LDAH: variants seen among roughly 807,000 people sequenced by gnomAD.
LDAH encodes lipid droplet-associated hydrolase.
Under a neutral mutation model 29.6 loss-of-function variants are expected in LDAH, and 26 were observed. That is an observed-to-expected ratio of 0.88 (90% CI 0.64 to 1.22). LDAH has a LOEUF of 1.22. Ranked by LOEUF, LDAH falls within the 50% of genes most tolerant of loss-of-function variation. The pLI, the probability that LDAH is intolerant of heterozygous loss-of-function variation, is 0.00. For missense variants in LDAH, 344 were observed against 387.3 expected (o/e 0.89, Z 0.94); for synonymous variants, 117 against 133.0 (o/e 0.88, Z 0.83).
chr2:20,741,981 T>C (rs1001767943), intron 4 of LDAH, among the ~76,000 whole-genome samples: 8 of 152,230 alleles, frequency 5.3e-5, no homozygotes, highest in African/African-American at 1.9e-4. Context: ...CGATCCTGGC[T>C]CATTGCAGCA....
At chr2:20,806,639 A>T (rs1367107163) in intron 1 of LDAH, among the ~76,000 whole-genome samples, 9 of 150,742 alleles carry the variant, frequency 6.0e-5, no homozygotes, top group African/African-American at 2.5e-5. Context: ...TAAAAATGTT[A>T]AAAAAAATCC....
chr2:20,761,589 G>GCCCA (rs1668694597), intron 4 of LDAH, among the ~76,000 whole-genome samples: 1 of 152,116 alleles, frequency 6.6e-6, no homozygotes, highest in South Asian at 2.1e-4. Flanking sequence ...AAGAAGGTTG[G>GCCCA]TATTTAATAT....
chr2:20,793,906 G>A (rs1363478114), intron 2 of LDAH, among the ~76,000 whole-genome samples: 1 of 152,140 alleles, frequency 6.6e-6, no homozygotes, highest in Admixed American at 6.6e-5. Context: ...GGCCCACACA[G>A]CTTCACTGGT....
intron 5 of LDAH, among the ~76,000 whole-genome samples, chr2:20,732,032 G>A (rs1666444779): frequency 6.6e-6 from 1 of 152,080 alleles, no homozygotes; most frequent in South Asian, 2.1e-4. Context: ...AGAACGTCCA[G>A]CACTATGTTG....
At chr2:20,693,000 A>C (rs1318516066) in intron 6 of LDAH, among the ~76,000 whole-genome samples, 1 of 152,118 alleles carries the variant, frequency 6.6e-6, no homozygotes, top group Non-Finnish European at 1.5e-5. Context: ...GTACAGTGTT[A>C]AGACTGTACA....
At chr2:20,712,687 C>A (rs1664859060) in intron 5 of LDAH, among the ~76,000 whole-genome samples, 1 of 152,086 alleles carries the variant, frequency 6.6e-6, no homozygotes, top group Non-Finnish European at 1.5e-5. Context: ...GTAGAGAAGA[C>A]CTTAAATGAC....
At chr2:20,814,991 T>A (rs573158834) in intron 1 of LDAH, among the ~76,000 whole-genome samples, 2 of 152,344 alleles carry the variant, frequency 1.3e-5, no homozygotes, top group African/African-American at 4.8e-5. Context: ...GTTTAAAATC[T>A]TGAGTAACAT....
chr2:20,722,113 C>G (rs956022560), intron 5 of LDAH, among the ~76,000 whole-genome samples: 1 of 152,094 alleles, frequency 6.6e-6, no homozygotes, highest in Non-Finnish European at 1.5e-5. Context: ...CAGTGGCTCA[C>G]GCCTGTAATC....
At chr2:20,691,787 CTT>C (rs1465079781) in intron 6 of LDAH, among the ~76,000 whole-genome samples, 2 of 152,150 alleles carry the variant, frequency 1.3e-5, no homozygotes, top group African/African-American at 4.8e-5. Context: ...CAAAATTTAA[CTT>C]TTTTTCAGTC....
chr2:20,784,026 T>C (rs1321782187), intron 3 of LDAH, among the ~76,000 whole-genome samples: 13 of 152,226 alleles, frequency 8.5e-5, no homozygotes, highest in Admixed American at 8.5e-4. Flanking sequence ...AAGTGGTTTC[T>C]TGTAGACAAC....
chr2:20,735,420 A>G lies in LDAH; in HGVS notation c.703+4551T>C, dbSNP rs577894838. ...TTTATTGTTGGTTCCATCCATTGAGATTTTAAATTTGTTCTAAAATTTCCA... is the reference window on the plus strand; with the variant it reads ...TTTATTGTTGGTTCCATCCATTGAGGTTTTAAATTTGTTCTAAAATTTCCA... On this transcript the variant is annotated intron_variant, in intron 5 of 6. Transcript: ENST00000237822. Among the ~76,000 whole-genome samples the G allele has an allele frequency of 4.1e-3, 623 of 151,536 alleles. 2 individuals carry two copies. Among genetic ancestry groups the G allele is most frequent in the Non-Finnish European group, 6.3e-3 (426 of 67,842 alleles).
chr2:20,806,422 C>T (rs1357141011), intron 1 of LDAH, among the ~76,000 whole-genome samples: 1 of 152,062 alleles, frequency 6.6e-6, no homozygotes, highest in Non-Finnish European at 1.5e-5. Context: ...AGTATTAAAC[C>T]TACTTGGAAA....
At chr2:20,757,039 GC>G (rs1668388422) in intron 4 of LDAH, among the ~76,000 whole-genome samples, 1 of 152,240 alleles carries the variant, frequency 6.6e-6, no homozygotes, top group Admixed American at 6.5e-5. Flanking sequence ...TTGTTGGAGA[GC>G]AATCTCCTTG....
chr2:20,810,588 A>C (rs912667446), intron 1 of LDAH, among the ~76,000 whole-genome samples: 1 of 152,228 alleles, frequency 6.6e-6, no homozygotes, highest in East Asian at 1.9e-4. Flanking sequence ...CACAATCTGC[A>C]AAGTTAAGTT....
At chr2:20,716,876 A>T (rs1468032323) in intron 5 of LDAH, among the ~76,000 whole-genome samples, 2 of 100,490 alleles carry the variant, frequency 2.0e-5, no homozygotes, top group East Asian at 3.9e-4. Context: ...GAGCCTCCAG[A>T]CAAGAAGAGC....
chr2:20,683,295 TAGA>T (rs1435368273), downstream of LDAH, among the ~76,000 whole-genome samples: 2 of 152,158 alleles, frequency 1.3e-5, no homozygotes, highest in African/African-American at 4.8e-5. Context: ...AAAAAGTGAT[TAGA>T]AGAACACTCA....
At chr2:20,751,851 AAC>A (rs1667996162) in intron 4 of LDAH, among the ~76,000 whole-genome samples, 1 of 152,204 alleles carries the variant, frequency 6.6e-6, no homozygotes, top group Non-Finnish European at 1.5e-5. Context: ...ATATAAAAGA[AAC>A]ACGCAGTAAA....
At chr2:20,806,060 T>A (rs1186990581) in intron 1 of LDAH, among the ~76,000 whole-genome samples, 1 of 152,124 alleles carries the variant, frequency 6.6e-6, no homozygotes, top group Admixed American at 6.5e-5. Context: ...ACTGCTTTAT[T>A]CATGTAAGAA....
intron 6 of LDAH, among the ~76,000 whole-genome samples, chr2:20,693,174 G>A (rs1024723150): frequency 6.9e-6 from 1 of 144,270 alleles, no homozygotes; most frequent in African/African-American, 2.5e-5. Context: ...AAAACAAAGT[G>A]TATCAAGTGC....
Sources: allele counts gnomAD v4.1 joint callset (sites outside exome capture counted in the v4.1 genomes callset), GRCh38; gene constraint gnomAD v4.1.1; transcripts MANE v1.5; gene names NCBI Gene and HGNC (gene_info 2026-07-23, HGNC 2026-07-21).